The following REELD1 variants were observed in gnomAD, a reference collection of about 807,000 sequenced individuals.
REELD1 encodes the protein reeler domain containing 1.
REELD1 carries 12 observed loss-of-function variants against 6.3 expected under a neutral mutation model. The ratio of observed to expected loss-of-function variants is 1.89; its 90% CI spans 1.21 to 3.07. The LOEUF is 3.07. REELD1 is among the 30% of genes most tolerant of loss of function. The pLI is 0.00. For missense variants in REELD1, 163 were observed against 86.8 expected (o/e 1.88, Z -3.49); for synonymous variants, 57 against 33.6 (o/e 1.70, Z -2.42).
Position 146,230,002 on chromosome 4 carries a change from C to G in REELD1, c.1070C>G (p.Thr357Arg). 2.5e-6 allele frequency: 1 copy of G among 398,758 alleles called. No homozygotes were observed. Among genetic ancestry groups the G allele is most frequent in the Non-Finnish European group, 4.4e-6 (1 of 226,146 alleles). The allele number at this position is 398,758 out of a possible 1,614,324, so 24.7% of individuals were successfully genotyped here. A position where few individuals can be genotyped will look rare whatever the true frequency, so the allele number is the denominator to read the frequency against. The change falls in exon 8 of 8, where the codon ACA (threonine) becomes AGA (arginine). Residue 357 changes from threonine (T) to arginine (R), a missense_variant. Transcript: ENST00000623665. ...TGCCTCTGGTCCTCTGAAACTTTCA[C>G]AGGGAATGGGGTCAGGGCAAGCAAC... The part of the protein sequence containing the change: ...PQCLWSSETF[T>R]GNGVRASNPI...
At chr4:146,225,381 T>C (rs945472208) in intron 5 of REELD1, among the ~76,000 whole-genome samples, 2 of 152,200 alleles carry the variant, frequency 1.3e-5, no homozygotes, top group African/African-American at 2.4e-5. Context: ...TCCTCTTCGC[T>C]TATTCTTTCC....
intron 5 of REELD1, among the ~76,000 whole-genome samples, chr4:146,226,674 T>G (rs936995563): frequency 2.0e-5 from 3 of 152,194 alleles, no homozygotes; most frequent in Non-Finnish European, 4.4e-5. Flanking sequence ...CTTTACACTA[T>G]TGCATTGGGG....
rs1731063755 is a variant in REELD1, at chr4:146,228,377, A to G, written c.763A>G (p.Thr255Ala). 2 of 702,552 alleles carry G rather than the reference A, an allele frequency of 2.8e-6. No individual in the cohort carries two copies. The highest frequency in any genetic ancestry group is 5.2e-6 in the Non-Finnish European group (2 of 384,990). The allele number at this position is 702,552 out of a possible 1,614,324, so 43.5% of individuals were successfully genotyped here. A position where few individuals can be genotyped will look rare whatever the true frequency, so the allele number is the denominator to read the frequency against. Residue 255 changes from threonine (T) to alanine (A), a missense_variant, in exon 6 of 8, where the codon ACT becomes GCT. Thr to Ala is a moderately conservative substitution (Grantham distance 58). Transcript: ENST00000623665. ...GTCCCAACCATCTTCACACACAGCC[A>G]CTGAAGGCAGCATCAACCAGCAACC... The part of the protein sequence containing the change: ...TLSQPSSHTA[T>A]EGSINQQPSG...
intron 2 of REELD1, among the ~76,000 whole-genome samples, chr4:146,215,820 A>T (rs1560722566): frequency 6.7e-6 from 1 of 149,576 alleles, no homozygotes; most frequent in Non-Finnish European, 1.5e-5. Context: ...GCATGATCTC[A>T]GCTCACTGCA....
At chr4:146,216,741 G>T (rs1365593354) in intron 2 of REELD1, among the ~76,000 whole-genome samples, 2 of 152,180 alleles carry the variant, frequency 1.3e-5, no homozygotes, top group Non-Finnish European at 2.9e-5. Flanking sequence ...TTTTAAAAAG[G>T]TGTTTGGAAA....
Position 146,230,752 on chromosome 4 carries a change from C to T in REELD1, c.*239C>T, listed in dbSNP as rs1411657090. The stretch of plus-strand genomic sequence containing the variant: ...TTCTTTCTTTTTGCAATTAGACGTT[C>T]TGTTTGAAGACTTAAACTCAACACA... On this transcript the variant is annotated 3_prime_UTR_variant, in exon 8 of 8. Transcript: ENST00000623665. 14 of 334,392 alleles carry T rather than the reference C, an allele frequency of 4.2e-5. No homozygotes were observed. 20.7% of individuals were successfully genotyped at this position (334,392 alleles called of 1,614,324 possible). A position where few individuals can be genotyped will look rare whatever the true frequency, so the allele number is the denominator to read the frequency against.
At chr4:146,215,950 C>T (rs1018793777) in intron 2 of REELD1, among the ~76,000 whole-genome samples, 6 of 152,068 alleles carry the variant, frequency 3.9e-5, no homozygotes, top group Non-Finnish European at 8.8e-5. Flanking sequence ...AGGGTTTCAC[C>T]GTATTGCCCA....
intron 4 of REELD1, among the ~76,000 whole-genome samples, chr4:146,222,795 T>A (rs1005704287): frequency 2.0e-5 from 3 of 152,168 alleles, no homozygotes; most frequent in Admixed American, 2.0e-4. Flanking sequence ...TCACTGTCCA[T>A]GGGCCTAGAG....
At chr4:146,215,956 G>T (rs1306785360) in intron 2 of REELD1, among the ~76,000 whole-genome samples, 1 of 152,046 alleles carries the variant, frequency 6.6e-6, no homozygotes, top group East Asian at 1.9e-4. Flanking sequence ...TCACCGTATT[G>T]CCCAGGCTGG....
At chr4:146,216,742 T>C (rs1730832936) in intron 2 of REELD1, among the ~76,000 whole-genome samples, 200 bp from the exon 3 acceptor site, 1 of 152,132 alleles carries the variant, frequency 6.6e-6, no homozygotes, top group Non-Finnish European at 1.5e-5. Context: ...TTTAAAAAGG[T>C]GTTTGGAAAT....
Position 146,231,099 on chromosome 4 carries a change from C to T in REELD1, c.*586C>T, listed in dbSNP as rs751238270. 9.2e-5 allele frequency among the ~76,000 whole-genome samples: 14 copies of T among 152,294 alleles called. No individual in the cohort carries two copies. Among genetic ancestry groups the T allele is most frequent in the African/African-American group, 2.6e-4 (11 of 41,550 alleles). ...GGGCAACTCAGCAGCCTGGCAAATC[C>T]GCCATGGAAATTGATCCAAAGTCAG... On this transcript the variant is annotated 3_prime_UTR_variant, in exon 8 of 8. Coordinates refer to ENST00000623665, the MANE Select transcript of REELD1 (RefSeq NM_001354631.1).
At chr4:146,224,186 CTG>C (rs146374802) in intron 4 of REELD1, among the ~76,000 whole-genome samples, 3,059 of 152,246 alleles carry the variant, frequency 0.02, 95 homozygotes, top group African/African-American at 0.064. Context: ...TTTTTAGTGA[CTG>C]TATTTATTCA....
intron 5 of REELD1, among the ~76,000 whole-genome samples, chr4:146,225,349 C>T (rs1731002574): frequency 6.6e-6 from 1 of 152,152 alleles, no homozygotes; most frequent in Admixed American, 6.5e-5. Context: ...CACACAAGAC[C>T]CTACCCTTAA....
In REELD1 at chr4:146,229,960, A is replaced by G. The variant is rs1731098050; in HGVS notation, c.1028A>G (p.Gln343Arg). 1 of 398,728 alleles carries G rather than the reference A, an allele frequency of 2.5e-6. No homozygotes were observed. 24.7% of individuals were successfully genotyped at this position (398,728 alleles called of 1,614,324 possible). A position where few individuals can be genotyped will look rare whatever the true frequency, so the allele number is the denominator to read the frequency against. Reference protein sequence around the residue: ...TVTQPPLSTVQLTYPQCLWSS... With the variant: ...TVTQPPLSTVRLTYPQCLWSS... ...ACACAGCCTCCTCTGTCCACCGTCC[A>G]GCTTACCTATCCCCAGTGCCTCTGG... Residue 343 changes from glutamine (Q) to arginine (R), a missense_variant, in exon 8 of 8, where the codon CAG becomes CGG. Gln to Arg is a conservative substitution (Grantham distance 43). Transcript: ENST00000623665.
At chr4:146,225,317 C>G (rs758538882) in intron 5 of REELD1, among the ~76,000 whole-genome samples, 1 of 152,188 alleles carries the variant, frequency 6.6e-6, no homozygotes, top group Non-Finnish European at 1.5e-5. Context: ...CACAAGCACT[C>G]GTAAAAGCAT....
intron 5 of REELD1, among the ~76,000 whole-genome samples, chr4:146,225,670 G>A (rs1280480359): frequency 6.6e-6 from 1 of 152,182 alleles, no homozygotes; most frequent in Admixed American, 6.5e-5. Flanking sequence ...TTTTATGAAT[G>A]ATGCAAGTAT....
At chr4:146,227,244 ACTAT>A (rs1731041538) in intron 5 of REELD1, among the ~76,000 whole-genome samples, 2 of 152,192 alleles carry the variant, frequency 1.3e-5, no homozygotes, top group Non-Finnish European at 2.9e-5. Flanking sequence ...GGAATTTGAA[ACTAT>A]CAGTTTGCCA....
chr4:146,218,834 G>A (rs926825792), intron 3 of REELD1, among the ~76,000 whole-genome samples: 14 of 152,256 alleles, frequency 9.2e-5, no homozygotes, highest in Middle Eastern at 3.4e-3. Flanking sequence ...GTGGCTAGGG[G>A]AATAACAACG....
At position 146,222,552 on chromosome 4, in the gene REELD1, C is replaced by A; in HGVS notation, c.404C>A (p.Ala135Asp). ...RNLSFVWKAP[A>D]QPVGDIKFLL... ...CTGTCATTCGTGTGGAAGGCCCCAG[C>A]CCAGCCTGTGGGGGACATTAAGTTC... The change falls in exon 4 of 8, where the codon GCC (alanine) becomes GAC (aspartate). Residue 135 changes from alanine to aspartate, a missense_variant. Transcript: ENST00000623665. The A allele has an allele frequency of 5.0e-6, 2 of 398,626 alleles. No homozygotes were observed. The highest frequency in any genetic ancestry group is 2.1e-5 in the African/African-American group (1 of 48,746). 24.7% of individuals were successfully genotyped at this position (398,626 alleles called of 1,614,324 possible).
Sources: allele counts gnomAD v4.1 joint callset (sites outside exome capture counted in the v4.1 genomes callset), GRCh38; gene constraint gnomAD v4.1.1; transcripts MANE v1.5; gene names NCBI Gene and HGNC (gene_info 2026-07-23, HGNC 2026-07-21).